Variants in PTPRT observed in about 807,000 individuals in gnomAD.
PTPRT encodes protein tyrosine phosphatase receptor type T.
A neutral mutation model predicts 176.8 loss-of-function variants in PTPRT; 56 were observed. The ratio of observed to expected loss-of-function variants is 0.32; its 90% CI spans 0.26 to 0.40. The LOEUF (loss-of-function observed/expected upper bound fraction) is 0.40. Among genes scored for constraint, PTPRT ranks in the 10% least tolerant of loss-of-function variants. The probability of loss-of-function intolerance (pLI) is 1.00; values close to 1 mark genes in which losing one functional copy is unlikely to be tolerated. For missense variants in PTPRT, 1,540 were observed against 1,908.2 expected, an observed-to-expected ratio of 0.81 and a Z score of 3.60; for synonymous variants, 783 against 739.0, an observed-to-expected ratio of 1.06 and a Z score of -0.96.
intron 1 of PTPRT, among the ~76,000 whole-genome samples, chr20:42,976,313 A>G (rs1421211160): frequency 6.6e-6 from 1 of 152,218 alleles, no homozygotes; most frequent in Admixed American, 6.5e-5. Flanking sequence ...TAATGAATAC[A>G]GGCAACCAAA....
the PTPRT span, among the ~76,000 whole-genome samples, chr20:42,051,273 C>T: frequency 2.0e-5 from 3 of 152,226 alleles, no homozygotes; most frequent in South Asian, 2.1e-4. Flanking sequence ...CTCTATGAGA[C>T]AGAAGGGTAG....
intron 2 of PTPRT, among the ~76,000 whole-genome samples, chr20:42,876,191 T>G (rs1010653409): frequency 1.3e-5 from 2 of 152,164 alleles, no homozygotes; most frequent in Non-Finnish European, 2.9e-5. Flanking sequence ...ATATAATATT[T>G]TGTCATTAAA....
chr20:42,674,342 C>A (rs1363253735), intron 7 of PTPRT, among the ~76,000 whole-genome samples: 8 of 152,108 alleles, frequency 5.3e-5, no homozygotes, highest in African/African-American at 1.9e-4. Flanking sequence ...ATATTGATAG[C>A]CAGATTATTG....
chr20:43,049,443 T>A (rs1004995042), intron 1 of PTPRT, among the ~76,000 whole-genome samples: 1 of 152,080 alleles, frequency 6.6e-6, no homozygotes, highest in Non-Finnish European at 1.5e-5. Flanking sequence ...ATCTTGCCAA[T>A]GTATTTCCCA....
At chr20:42,534,222 C>G (rs2072435299) in intron 7 of PTPRT, among the ~76,000 whole-genome samples, 2 of 152,228 alleles carry the variant, frequency 1.3e-5, no homozygotes, top group South Asian at 4.1e-4. Context: ...TCATTGGGAG[C>G]TTTCACCAAA....
intron 9 of PTPRT, among the ~76,000 whole-genome samples, chr20:42,371,283 C>T (rs2058583608): frequency 6.6e-6 from 1 of 152,208 alleles, no homozygotes; most frequent in African/African-American, 2.4e-5. Context: ...CCAACATTTT[C>T]TTTGTGACTC....
intron 27 of PTPRT, among the ~76,000 whole-genome samples, chr20:42,090,933 G>A (rs934677016): frequency 6.6e-6 from 1 of 152,172 alleles, no homozygotes; most frequent in African/African-American, 2.4e-5. Context: ...CCACTTCATT[G>A]CCTAGTAAGT....
intron 17 of PTPRT, among the ~76,000 whole-genome samples, chr20:42,157,690 A>C (rs1236461184): frequency 6.6e-6 from 1 of 151,876 alleles, no homozygotes; most frequent in Non-Finnish European, 1.5e-5. Flanking sequence ...CCTCCTCATC[A>C]AGGGATAGAG....
At chr20:42,854,787 C>T (rs1367156416) in intron 2 of PTPRT, among the ~76,000 whole-genome samples, 1 of 152,234 alleles carries the variant, frequency 6.6e-6, no homozygotes, top group Non-Finnish European at 1.5e-5. Context: ...AGAGCAGCAG[C>T]TGGGCAAGGG....
intron 7 of PTPRT, among the ~76,000 whole-genome samples, chr20:42,539,439 C>A (rs1178453155): frequency 6.7e-6 from 1 of 148,410 alleles, no homozygotes; most frequent in Non-Finnish European, 1.5e-5. Flanking sequence ...CTTTCTTGAT[C>A]TCTCATTGCT....
At chr20:42,887,897 G>A (rs1248302350) in intron 1 of PTPRT, among the ~76,000 whole-genome samples, 1 of 152,068 alleles carries the variant, frequency 6.6e-6, no homozygotes, top group Non-Finnish European at 1.5e-5. Context: ...GACTGTGAGG[G>A]CTCTGTTCTC....
chr20:42,622,976 C>T (rs192910135), intron 7 of PTPRT, among the ~76,000 whole-genome samples: 2 of 152,224 alleles, frequency 1.3e-5, no homozygotes, highest in East Asian at 3.9e-4. Flanking sequence ...AAACCCTGAA[C>T]CCCAGGCTCC....
At chr20:42,215,175 T>C (rs1316412722) in intron 15 of PTPRT, among the ~76,000 whole-genome samples, 1 of 152,174 alleles carries the variant, frequency 6.6e-6, no homozygotes, top group African/African-American at 2.4e-5. Context: ...GAATGAATGC[T>C]GTCTGAGCTC....
chr20:42,950,526 A>T (rs1912763), intron 1 of PTPRT, among the ~76,000 whole-genome samples: 1 of 152,170 alleles, frequency 6.6e-6, no homozygotes, highest in Non-Finnish European at 1.5e-5. Flanking sequence ...AATCCCTGGC[A>T]TCCCCTCGTA....
At chr20:42,380,690 C>G (rs572316620) in intron 9 of PTPRT, among the ~76,000 whole-genome samples, 1 of 152,150 alleles carries the variant, frequency 6.6e-6, no homozygotes, top group African/African-American at 2.4e-5. Flanking sequence ...CTGTCTTGAG[C>G]GTGTTTTTGT....
chr20:43,120,277 G>T (rs901708297), intron 1 of PTPRT, among the ~76,000 whole-genome samples: 23 of 147,878 alleles, frequency 1.6e-4, no homozygotes, highest in Non-Finnish European at 3.0e-4. Context: ...TCCAGATCCA[G>T]TTTTTTTTTT....
At chr20:43,034,952 T>C (rs1386702652) in intron 1 of PTPRT, among the ~76,000 whole-genome samples, 2 of 148,448 alleles carry the variant, frequency 1.3e-5, no homozygotes, top group Non-Finnish European at 3.0e-5. Context: ...TCTCTACCTA[T>C]GCTTCAACAC....
chr20:42,082,429 C>G (rs1400730359), intron 29 of PTPRT, among the ~76,000 whole-genome samples: 1 of 152,144 alleles, frequency 6.6e-6, no homozygotes, highest in African/African-American at 2.4e-5. Flanking sequence ...CATCCATGTC[C>G]AAAAGAATGC....
intron 14 of PTPRT, among the ~76,000 whole-genome samples, chr20:42,241,216 C>T (rs550403968): frequency 3.3e-5 from 5 of 152,132 alleles, no homozygotes; most frequent in African/African-American, 1.2e-4. Flanking sequence ...CAGTCCATAC[C>T]TGGGGATAGG....
Sources: allele counts gnomAD v4.1 joint callset (sites outside exome capture counted in the v4.1 genomes callset), GRCh38; gene constraint gnomAD v4.1.1; transcripts MANE v1.5; gene names NCBI Gene and HGNC (gene_info 2026-07-23, HGNC 2026-07-21).